The following NTNG1 variants were observed in gnomAD, a reference collection of about 807,000 sequenced individuals.
NTNG1 encodes netrin-G1.
In NTNG1, 16 loss-of-function variants were observed where a neutral mutation model predicts 54.0. The observed-to-expected ratio is 0.30, with a 90% confidence interval of 0.20 to 0.45. The LOEUF (loss-of-function observed/expected upper bound fraction) is 0.45. Ranked by LOEUF, NTNG1 falls within the 20% of genes least tolerant of loss-of-function variation. The probability of loss-of-function intolerance (pLI) is 1.00; values close to 1 mark genes in which losing one functional copy is unlikely to be tolerated. For missense variants in NTNG1, 530 were observed against 678.7 expected (o/e 0.78, Z 2.43); for synonymous variants, 255 against 263.1 (o/e 0.97, Z 0.30).
chr1:107,442,004 A>G (rs1570970157), intron 7 of NTNG1, among the ~76,000 whole-genome samples: 1 of 152,130 alleles, frequency 6.6e-6, no homozygotes, highest in Non-Finnish European at 1.5e-5. Context: ...CATATTGTAG[A>G]CCACTAGACC....
At chr1:107,143,224 C>T (rs1653864556) in intron 1 of NTNG1, 1 of 152,104 alleles carries the variant, frequency 6.6e-6, no homozygotes, top group African/African-American at 2.4e-5. Context: ...TGCATGGAAA[C>T]AGTTTATTTG....
intron 4 of NTNG1, among the ~76,000 whole-genome samples, chr1:107,399,493 G>T (rs1419979965): frequency 6.6e-6 from 1 of 152,146 alleles, no homozygotes; most frequent in Non-Finnish European, 1.5e-5. Flanking sequence ...GTAATTTGAT[G>T]ATTGTTCTAT....
intron 3 of NTNG1, among the ~76,000 whole-genome samples, chr1:107,335,672 T>C (rs1425310065): frequency 2.0e-5 from 3 of 151,898 alleles, no homozygotes; most frequent in East Asian, 3.9e-4. Flanking sequence ...TTTCTATTTT[T>C]TTTCATTTTA....
rs138289254 is a variant in NTNG1 at position 107,148,505 on chromosome 1, A to G, written c.-89A>G. The G allele has an allele frequency of 1.1e-5, 14 of 1,267,140 alleles. No homozygotes were observed. Among genetic ancestry groups the G allele is most frequent in the East Asian group, 2.3e-5 (1 of 43,068 alleles). The allele number at this position is 1,267,140 out of a possible 1,614,324, so 78.5% of individuals were successfully genotyped here. A position where few individuals can be genotyped will look rare whatever the true frequency, so the allele number is the denominator to read the frequency against. ...TACCTACCCGTACGCATACATACAT[A>G]TGTGTATATATATGTAAACTAGACA... On this transcript the variant is annotated 5_prime_UTR_variant, in exon 2 of 8. It adds an upstream start codon to the 5' untranslated region. Coordinates refer to ENST00000370068, the MANE Select transcript of NTNG1 (RefSeq NM_001113226.3).
At chr1:107,365,698 G>A (rs1387989311) in intron 3 of NTNG1, among the ~76,000 whole-genome samples, 1 of 152,076 alleles carries the variant, frequency 6.6e-6, no homozygotes, top group East Asian at 1.9e-4. Flanking sequence ...GATATGATTT[G>A]TAACAACTAC....
chr1:107,147,316 T>TA (rs1557758539), intron 1 of NTNG1, among the ~76,000 whole-genome samples: 1 of 152,178 alleles, frequency 6.6e-6, no homozygotes, highest in Non-Finnish European at 1.5e-5. Flanking sequence ...CTTTTAGTTT[T>TA]AAAGCAGCTT....
chr1:107,447,115 G>T (rs1322940081), intron 7 of NTNG1, among the ~76,000 whole-genome samples: 1 of 151,878 alleles, frequency 6.6e-6, no homozygotes, highest in African/African-American at 2.4e-5. Context: ...TGGGGAAATG[G>T]GCATATGTCT....
Position 107,480,808 on chromosome 1 carries a change from C to T in NTNG1, c.1588C>T (p.Leu530=). The T allele has an allele frequency of 6.3e-7, 1 of 1,577,726 alleles. No homozygotes were observed. The highest frequency in any genetic ancestry group is 8.6e-7 in the Non-Finnish European group (1 of 1,162,132). The change falls in exon 8 of 8, where the codon CTG becomes TTG. Residue 530 remains leucine (L), a synonymous_variant. Coordinates refer to ENST00000370068, the MANE Select transcript of NTNG1 (RefSeq NM_001113226.3). ...CCCAGCGCTGCTGCTGCTGACCACG[C>T]TGCTGGGAACCGCCAGCCCCCTGGT... ...GSPALLLLTT[L]LGTASPLVF
chr1:107,249,882 G>C (rs1398936637), intron 2 of NTNG1, among the ~76,000 whole-genome samples: 1 of 152,172 alleles, frequency 6.6e-6, no homozygotes. Context: ...TGCATCACAT[G>C]TTTTCACCAA....
chr1:107,372,218 CTCT>C (rs1262072962), intron 3 of NTNG1, among the ~76,000 whole-genome samples: 2 of 152,022 alleles, frequency 1.3e-5, no homozygotes, highest in East Asian at 1.9e-4. Context: ...GCTTAATTTG[CTCT>C]TCTTAATATG....
intron 6 of NTNG1, among the ~76,000 whole-genome samples, chr1:107,434,179 A>G (rs1300969595): frequency 6.6e-6 from 1 of 152,242 alleles, no homozygotes; most frequent in African/African-American, 2.4e-5. Flanking sequence ...CCCTTGCTGT[A>G]AAGGAACAAC....
In NTNG1 at chr1:107,480,553, T is replaced by A. The variant is rs538767179; in HGVS notation, c.1391-58T>A. The A allele has an allele frequency of 1.2e-5, 12 of 1,031,128 alleles. No individual in the cohort carries two copies. The Admixed American group carries it at 2.9e-4, about 25-fold the overall frequency. The allele number at this position is 1,031,128 out of a possible 1,614,324, so 63.9% of individuals were successfully genotyped here. On this transcript the variant is annotated intron_variant, in intron 7 of 7. Coordinates refer to ENST00000370068, the MANE Select transcript of NTNG1 (RefSeq NM_001113226.3). ...ACATGATGTACCAGATGAACTTCAA[T>A]TGATTCTGCTTCTCCTCCCCGCGCC...
In NTNG1 at chr1:107,328,560, CA is replaced by C. The variant is rs1162559243; in HGVS notation, c.887+3639del. ...TGTTCTGAACATCTTTTTATACAGACAGGGGGTTAAACTCAAAAGCTGTTAA... is the reference window on the plus strand; with the variant it reads ...TGTTCTGAACATCTTTTTATACAGACGGGGGTTAAACTCAAAAGCTGTTAA... On this transcript the variant is annotated intron_variant, in intron 3 of 7. Coordinates refer to ENST00000370068, the MANE Select transcript of NTNG1 (RefSeq NM_001113226.3). Among the ~76,000 whole-genome samples, 5 of 152,098 alleles carry C rather than the reference CA, an allele frequency of 3.3e-5. No homozygotes were observed. The East Asian group carries it at 9.7e-4, about 29-fold the overall frequency.
At chr1:107,312,170 A>T (rs577887944) in intron 2 of NTNG1, among the ~76,000 whole-genome samples, 12 of 152,290 alleles carry the variant, frequency 7.9e-5, no homozygotes, top group East Asian at 7.7e-4. Context: ...ATATATTTTT[A>T]AAAAATTAAC....
intron 3 of NTNG1, among the ~76,000 whole-genome samples, chr1:107,372,038 T>C (rs1670949253): frequency 6.6e-6 from 1 of 152,068 alleles, no homozygotes; most frequent in Admixed American, 6.5e-5. Flanking sequence ...ACCTCTCTCA[T>C]TCCTTATGTA....
intron 3 of NTNG1, among the ~76,000 whole-genome samples, chr1:107,360,960 C>T (rs1178013687): frequency 2.0e-5 from 3 of 151,772 alleles, no homozygotes; most frequent in East Asian, 1.9e-4. Flanking sequence ...ACACATAAAT[C>T]TGCTTCTCGT....
chr1:107,220,874 T>C (rs551844848), intron 2 of NTNG1, among the ~76,000 whole-genome samples: 3 of 152,302 alleles, frequency 2.0e-5, no homozygotes, highest in East Asian at 3.9e-4. Flanking sequence ...GTATTTCCCT[T>C]ATCCCACCAC....
intron 3 of NTNG1, among the ~76,000 whole-genome samples, chr1:107,372,669 G>C (rs1670992680): frequency 6.6e-6 from 1 of 152,070 alleles, no homozygotes; most frequent in African/African-American, 2.4e-5. Flanking sequence ...CAAGTTGGTG[G>C]ATAGTGTTGT....
chr1:107,384,489 A>G (rs1671843885), intron 3 of NTNG1, among the ~76,000 whole-genome samples: 1 of 152,172 alleles, frequency 6.6e-6, no homozygotes, highest in Non-Finnish European at 1.5e-5. Flanking sequence ...TGAAGAAATG[A>G]TCAAAATCTC....
Sources: gnomAD v4.1 joint callset for allele counts (sites outside exome capture counted in the v4.1 genomes callset) on GRCh38, gnomAD v4.1.1 for gene constraint, MANE v1.5 for transcripts, NCBI Gene and HGNC (gene_info 2026-07-23, HGNC 2026-07-21) for gene names.